Variants in KLRD1 observed in about 807,000 individuals in gnomAD.
The protein encoded by KLRD1 is natural killer cells antigen CD94.
In KLRD1, 21 loss-of-function variants were observed where a neutral mutation model predicts 22.6. That is an observed-to-expected ratio of 0.93 (90% CI 0.66 to 1.34). The LOEUF (loss-of-function observed/expected upper bound fraction) is 1.34, where lower values mean the gene tolerates loss of function less well. Ranked by LOEUF, KLRD1 falls within the 40% of genes most tolerant of loss-of-function variation. The pLI is 0.00. For missense variants in KLRD1, 183 were observed against 208.6 expected (o/e 0.88, Z 0.76); for synonymous variants, 59 against 71.1 (o/e 0.83, Z 0.85).
At position 10,318,230 on chromosome 12, in the gene KLRD1, G is replaced by GA. The variant is rs1950271757; in HGVS notation, c.*3437_*3438insA. On this transcript the variant is annotated 3_prime_UTR_variant, in exon 6 of 6. Transcript: ENST00000336164. ...TTTTTGACTCTTGGCCATGATATGG[G>GA]TAGTAGGCTAACTAACTAGCTAACA... The GA allele has an allele frequency of 6.6e-6, 1 of 152,186 alleles. No homozygotes were observed. The highest frequency in any genetic ancestry group is 2.1e-4 in the South Asian group (1 of 4,834). The allele number at this position is 152,186 out of a possible 1,614,324, so 9.4% of individuals were successfully genotyped here. A position where few individuals can be genotyped will look rare whatever the true frequency, so the allele number is the denominator to read the frequency against.
At chr12:10,308,183 T>A in intron 1 of KLRD1, 99 bp downstream of exon 1, 1 of 982,162 alleles carries the variant, frequency 1.0e-6, no homozygotes, top group Non-Finnish European at 1.6e-6. Flanking sequence ...AGGACATGAT[T>A]AACAGTGGAT....
At chr12:10,262,389 A>G (rs1949461654) in intron 1 of KLRD1, among the ~76,000 whole-genome samples, 1 of 152,120 alleles carries the variant, frequency 6.6e-6, no homozygotes, top group African/African-American at 2.4e-5. Context: ...CCCTACAGTC[A>G]TTCAGTGAAT....
At chr12:10,291,483 C>T (rs952528070) in intron 1 of KLRD1, among the ~76,000 whole-genome samples, 1 of 152,076 alleles carries the variant, frequency 6.6e-6, no homozygotes, top group African/African-American at 2.4e-5. Flanking sequence ...TCTTTGTTGT[C>T]ATTTCAACAA....
chr12:10,263,210 G>C (rs1475148494), intron 1 of KLRD1, among the ~76,000 whole-genome samples: 1 of 151,860 alleles, frequency 6.6e-6, no homozygotes, highest in Non-Finnish European at 1.5e-5. Flanking sequence ...ATTGCCTCCA[G>C]AGTAAACACC....
At chr12:10,304,195 C>T (rs1008519317), upstream of KLRD1, among the ~76,000 whole-genome samples, 7 of 152,174 alleles carry the variant, frequency 4.6e-5, no homozygotes, top group African/African-American at 1.7e-4. Context: ...TGCAAAAGCA[C>T]CCACTCATTC....
intron 1 of KLRD1, among the ~76,000 whole-genome samples, chr12:10,257,412 TG>T (rs1412229051): frequency 6.6e-6 from 1 of 151,172 alleles, no homozygotes; most frequent in Admixed American, 6.6e-5. Flanking sequence ...CACTTTTCTC[TG>T]TTCTTTTAAA....
intron 1 of KLRD1, among the ~76,000 whole-genome samples, chr12:10,259,256 G>A (rs79408119): frequency 0.015 from 2,224 of 152,212 alleles, 47 homozygotes; most frequent in African/African-American, 0.05. Flanking sequence ...TATTGTTCTA[G>A]TGATTGACAA....
rs58690639 is a variant in KLRD1, at chr12:10,265,632, C to T, written c.-101+39399C>T. ...ATTAGCCAGGCATGGTGGCACACACCTGTAAGCCCAGCTACTCGGGAGGCT... is the reference window on the plus strand; with the variant it reads ...ATTAGCCAGGCATGGTGGCACACACTTGTAAGCCCAGCTACTCGGGAGGCT... On this transcript the variant is annotated intron_variant, in intron 1 of 5. Transcript: ENST00000544747. Among the ~76,000 whole-genome samples, 598 of 151,852 alleles carry T rather than the reference C, an allele frequency of 3.9e-3. 19 individuals carry two copies. In the East Asian group the frequency reaches 0.068, roughly 17 times the overall value.
At chr12:10,246,103 C>A (rs1410215942) in intron 1 of KLRD1, among the ~76,000 whole-genome samples, 2 of 152,042 alleles carry the variant, frequency 1.3e-5, no homozygotes, top group East Asian at 3.8e-4. Context: ...TTTATAATAT[C>A]CCTAGGATTT....
chr12:10,264,478 A>G (rs1005765924), intron 1 of KLRD1, among the ~76,000 whole-genome samples: 3 of 144,500 alleles, frequency 2.1e-5, no homozygotes, highest in African/African-American at 7.4e-5. Flanking sequence ...TACAAAACAC[A>G]GCTTCGCTCT....
chr12:10,263,938 T>A (rs1949476702), intron 1 of KLRD1, among the ~76,000 whole-genome samples: 1 of 152,096 alleles, frequency 6.6e-6, no homozygotes, highest in African/African-American at 2.4e-5. Flanking sequence ...TTAAATATAT[T>A]CTCATAGGAT....
chr12:10,254,426 C>A (rs1287729175), intron 1 of KLRD1, among the ~76,000 whole-genome samples: 2 of 76,252 alleles, frequency 2.6e-5, no homozygotes, highest in Non-Finnish European at 5.4e-5. Context: ...AGCCACACTC[C>A]GTCTCAAAAA....
At chr12:10,260,957 C>A (rs1300804408) in intron 1 of KLRD1, among the ~76,000 whole-genome samples, 392 of 36,014 alleles carry the variant, frequency 0.011, 1 homozygote, top group African/African-American at 0.017. Context: ...ACAACAACAA[C>A]AAAAAACCAA....
intron 1 of KLRD1, among the ~76,000 whole-genome samples, chr12:10,240,456 T>C (rs978208812): frequency 2.0e-5 from 3 of 152,126 alleles, no homozygotes; most frequent in Non-Finnish European, 4.4e-5. Context: ...ATTAGTAGAA[T>C]AGATCTTCAC....
At chr12:10,249,571 C>G (rs73064101) in intron 1 of KLRD1, among the ~76,000 whole-genome samples, 169 of 152,216 alleles carry the variant, frequency 1.1e-3, no homozygotes, top group Non-Finnish European at 2.1e-3. Context: ...TATCATATAT[C>G]AAAATGCTTC....
At chr12:10,290,450 C>T (rs545218829) in intron 1 of KLRD1, among the ~76,000 whole-genome samples, 85 of 152,250 alleles carry the variant, frequency 5.6e-4, no homozygotes, top group South Asian at 1.7e-3. Context: ...TTAGAATAAT[C>T]AGAGGTAGAA....
rs1233073680 is a variant in KLRD1, at chr12:10,320,123, C to T, written c.*5330C>T. 6.6e-6 allele frequency: 1 copy of T among 151,964 alleles called. No homozygotes were observed. Among genetic ancestry groups the T allele is most frequent in the African/African-American group, 2.4e-5 (1 of 41,412 alleles). 9.4% of individuals were successfully genotyped at this position (151,964 alleles called of 1,614,324 possible). On this transcript the variant is annotated 3_prime_UTR_variant, in exon 6 of 6. Transcript: ENST00000336164. ...CCTCAGGTGATCTGCCTACCTCACC[C>T]TCCCAAAGTGCTGGGATTACAGGCG...
At chr12:10,293,170 A>ATATATATATATATG (rs1555107039) in intron 1 of KLRD1, among the ~76,000 whole-genome samples, 1 of 126,402 alleles carries the variant, frequency 7.9e-6, no homozygotes, top group African/African-American at 2.8e-5. Context: ...ATATATATAC[A>ATATATATATATATG]CATATACACA....
chr12:10,261,965 A>T (rs1949458186), intron 1 of KLRD1, among the ~76,000 whole-genome samples: 1 of 152,010 alleles, frequency 6.6e-6, no homozygotes, highest in African/African-American at 2.4e-5. Flanking sequence ...TGTCTATGTG[A>T]TGTTTTCCCC....
Sources: gnomAD v4.1 joint callset for allele counts (sites outside exome capture counted in the v4.1 genomes callset) on GRCh38, gnomAD v4.1.1 for gene constraint, MANE v1.5 for transcripts, NCBI Gene and HGNC (gene_info 2026-07-23, HGNC 2026-07-21) for gene names.